TTF1: variants seen among roughly 807,000 people sequenced by gnomAD.
TTF1 encodes transcription termination factor, RNA polymerase I.
In TTF1, 64 loss-of-function variants were observed where a neutral mutation model predicts 80.2. The observed-to-expected ratio is 0.80, with a 90% CI of 0.65 to 0.98. The LOEUF (loss-of-function observed/expected upper bound fraction) is 0.98. Among genes scored for constraint, TTF1 ranks in the 50% least tolerant of loss-of-function variants. The probability of loss-of-function intolerance (pLI) is 0.00; values close to 1 mark genes in which losing one functional copy is unlikely to be tolerated. For missense variants in TTF1, 1,023 were observed against 1,086.2 expected (o/e 0.94, Z 0.82); for synonymous variants, 372 against 382.7 (o/e 0.97, Z 0.33).
At chr9:132,385,531 T>C (rs1398764565) in intron 9 of TTF1, among the ~76,000 whole-genome samples, 1 of 152,188 alleles carries the variant, frequency 6.6e-6, no homozygotes, top group African/African-American at 2.4e-5. Context: ...TTCCAGTCCC[T>C]TGAATGTGCC....
rs1397080985 is a variant in TTF1 at position 132,398,139 on chromosome 9, A to G, written c.1777+2T>C. 6.4e-7 allele frequency: 1 copy of G among 1,574,072 alleles called. No individual in the cohort carries two copies. Among genetic ancestry groups the G allele is most frequent in the African/African-American group, 1.4e-5 (1 of 72,434 alleles). On this transcript the variant is annotated splice_donor_variant, in intron 4 of 10. Coordinates refer to ENST00000334270, the MANE Select transcript of TTF1 (RefSeq NM_007344.4). LOFTEE classifies it high-confidence loss of function. ...TCAAAGGGTGATTGTTTCTAAACTT[A>G]CCAATGTGTAATCTAAACGAGTATC...
intron 9 of TTF1, among the ~76,000 whole-genome samples, chr9:132,381,528 AG>A (rs1384593120): frequency 2.6e-5 from 4 of 152,264 alleles, no homozygotes; most frequent in African/African-American, 9.6e-5. Flanking sequence ...GACATTATAA[AG>A]GGCTTTGTCA....
rs565202515 is a variant in TTF1, at chr9:132,393,355, TG to T, written c.1857-1150del. Among the ~76,000 whole-genome samples, 13 of 151,182 alleles carry T rather than the reference TG, an allele frequency of 8.6e-5. No individual in the cohort carries two copies. The South Asian group carries it at 2.8e-3, about 32-fold the overall frequency. On this transcript the variant is annotated intron_variant, in intron 5 of 10. Coordinates refer to ENST00000334270, the MANE Select transcript of TTF1 (RefSeq NM_007344.4). ...CCCTAATGCTCACGCTGGAAGGTTG[TG>T]GGTTCACGGGAATGAGGGCAAGGAA...
chr9:132,386,652 A>G, intron 8 of TTF1, 31 bp from the exon 9 acceptor site: 1 of 1,575,822 alleles, frequency 6.3e-7, no homozygotes, highest in Non-Finnish European at 8.7e-7. Flanking sequence ...TAAATTTTCA[A>G]GCAAAAATAA....
intron 9 of TTF1, among the ~76,000 whole-genome samples, chr9:132,381,559 TG>T (rs1849372698): frequency 6.6e-6 from 1 of 152,182 alleles, no homozygotes; most frequent in African/African-American, 2.4e-5. Context: ...GTTCTCAAGA[TG>T]GGAGCTGGTG....
chr9:132,404,547 T>C (rs1411284717), intron 1 of TTF1, among the ~76,000 whole-genome samples: 1 of 152,044 alleles, frequency 6.6e-6, no homozygotes, highest in Non-Finnish European at 1.5e-5. Flanking sequence ...CTCTCCTGTA[T>C]CTTCAGCCTG....
chr9:132,404,458 A>G (rs1338199371), intron 1 of TTF1, among the ~76,000 whole-genome samples: 3 of 152,152 alleles, frequency 2.0e-5, no homozygotes, highest in Non-Finnish European at 4.4e-5. Flanking sequence ...CGTTATAGGA[A>G]GGAAAATGTG....
chr9:132,402,034 G>A lies in TTF1; in HGVS notation c.788C>T (p.Thr263Ile). Residue 263 changes from threonine (T) to isoleucine (I), a missense_variant, in exon 2 of 11, where the codon ACT becomes ATT. Coordinates refer to ENST00000334270, the MANE Select transcript of TTF1 (RefSeq NM_007344.4). The part of the protein sequence containing the change: ...SQPTVGLDDE[T>I]PQLLGPTHKK... Reference sequence around the variant, plus strand: ...GTGAGTAGGTCCTAGTAGTTGTGGAGTTTCATCATCCAAGCCCACAGTAGG... The same window carrying A: ...GTGAGTAGGTCCTAGTAGTTGTGGAATTTCATCATCCAAGCCCACAGTAGG... 6.2e-7 allele frequency: 1 copy of A among 1,613,698 alleles called. No homozygotes were observed. Among genetic ancestry groups the A allele is most frequent in the Non-Finnish European group, 8.5e-7 (1 of 1,179,988 alleles).
chr9:132,390,713 T>G lies in TTF1; in HGVS notation c.2106A>C (p.Gln702His), dbSNP rs769044455. Residue 702 changes from glutamine (Q) to histidine (H), a missense_variant, in exon 7 of 11, where the codon CAA (glutamine) becomes CAC (histidine). Physicochemically the swap from Gln to His is conservative, Grantham distance 24. Coordinates refer to ENST00000334270, the MANE Select transcript of TTF1 (RefSeq NM_007344.4). ...TTGATAGGCAACTTTCAGGATTTTC[T>G]TGGAGTTTGGAATCCACCTCTTTTA... ...QELKEVDSKL[Q>H]ENPESCLSIV... The G allele has an allele frequency of 6.2e-7, 1 of 1,614,138 alleles. No homozygotes were observed. The highest frequency in any genetic ancestry group is 1.3e-5 in the African/African-American group (1 of 74,942).
chr9:132,398,569 A>G (rs373573192), intron 3 of TTF1, among the ~76,000 whole-genome samples: 8 of 152,150 alleles, frequency 5.3e-5, no homozygotes, highest in African/African-American at 1.7e-4. Context: ...TGTTTAATCT[A>G]TCTTTTTAAA....
chr9:132,397,023 CCG>C (rs907686126), intron 4 of TTF1, among the ~76,000 whole-genome samples: 1 of 152,062 alleles, frequency 6.6e-6, no homozygotes, highest in African/African-American at 2.4e-5. Context: ...GCATGAGCCA[CCG>C]CGCCCGGCCT....
chr9:132,406,597 C>T (rs1412625296), intron 1 of TTF1, among the ~76,000 whole-genome samples, 193 bp downstream of exon 1: 68 of 107,700 alleles, frequency 6.3e-4, no homozygotes, highest in African/African-American at 1.8e-3. Flanking sequence ...AGCAAAACTC[C>T]ATCTTTAAAA....
Position 132,400,048 on chromosome 9 carries a change from T to C in TTF1, c.1578A>G (p.Glu526=). 2 of 1,614,200 alleles carry C rather than the reference T, an allele frequency of 1.2e-6. No individual in the cohort carries two copies. The highest frequency in any genetic ancestry group is 1.7e-6 in the Non-Finnish European group (2 of 1,180,050). The change falls in exon 3 of 11, where the codon GAA becomes GAG. Residue 526 remains glutamate, a synonymous_variant. Transcript: ENST00000334270. ...CCACAAGCTCACCTTGTGCTTTAAA[T>C]TCCTTAAACCGTTCCAAGTCGTCCC... ...MYRDDLERFK[E]FKAQGVAIKF...
chr9:132,387,970 G>A (rs1049623960), intron 8 of TTF1, among the ~76,000 whole-genome samples, 169 bp downstream of exon 8: 2 of 152,250 alleles, frequency 1.3e-5, no homozygotes, highest in Admixed American at 6.5e-5. Context: ...GAGTTAAGAT[G>A]AGTAAACTGA....
At chr9:132,394,842 G>A (rs1241935387) in intron 5 of TTF1, among the ~76,000 whole-genome samples, 3 of 150,178 alleles carry the variant, frequency 2.0e-5, no homozygotes, top group South Asian at 4.2e-4. Context: ...CCAATGAGCC[G>A]AGTTCGCACC....
chr9:132,396,737 G>A (rs1849658710), intron 4 of TTF1, among the ~76,000 whole-genome samples: 1 of 151,208 alleles, frequency 6.6e-6, no homozygotes, highest in African/African-American at 2.4e-5. Context: ...GCACTGTGTC[G>A]GCTCACTGCA....
intron 9 of TTF1, among the ~76,000 whole-genome samples, chr9:132,381,031 C>T (rs956233344): frequency 1.3e-5 from 2 of 152,150 alleles, no homozygotes; most frequent in African/African-American, 4.8e-5. Context: ...CCCACTTCAG[C>T]CTCCAGAGTA....
intron 5 of TTF1, among the ~76,000 whole-genome samples, chr9:132,395,052 C>T (rs576888801): frequency 1.3e-5 from 2 of 150,938 alleles, no homozygotes; most frequent in South Asian, 4.2e-4. Flanking sequence ...ATTAGCCGGG[C>T]GTGGTGGTGG....
chr9:132,393,680 CTGTG>C (rs1290858480), intron 5 of TTF1, among the ~76,000 whole-genome samples: 1 of 152,206 alleles, frequency 6.6e-6, no homozygotes, highest in African/African-American at 2.4e-5. Context: ...CTCTATATTT[CTGTG>C]TGTGTGTCTT....
Sources: allele counts gnomAD v4.1 joint callset (sites outside exome capture counted in the v4.1 genomes callset), GRCh38; gene constraint gnomAD v4.1.1; transcripts MANE v1.5; gene names NCBI Gene and HGNC (gene_info 2026-07-23, HGNC 2026-07-21).